The following SVEP1 variants were observed in gnomAD, a reference collection of about 807,000 sequenced individuals.
SVEP1 encodes the protein sushi, von Willebrand factor type A, EGF and pentraxin domain-containing protein 1.
SVEP1 carries 164 observed loss-of-function variants against 367.3 expected under a neutral mutation model. The ratio of observed to expected loss-of-function variants is 0.45; its 90% CI spans 0.39 to 0.51. The LOEUF is 0.51. Among genes scored for constraint, SVEP1 ranks in the 20% least tolerant of loss-of-function variants. The probability of loss-of-function intolerance (pLI) is 0.00; values close to 1 mark genes in which losing one functional copy is unlikely to be tolerated. For missense variants in SVEP1, 4,117 were observed against 4,425.3 expected, an observed-to-expected ratio of 0.93 and a Z score of 1.98; for synonymous variants, 1,666 against 1,611.6, an observed-to-expected ratio of 1.03 and a Z score of -0.81.
At chr9:110,372,520 T>C (rs1827293513) in intron 46 of SVEP1, among the ~76,000 whole-genome samples, 1 of 152,224 alleles carries the variant, frequency 6.6e-6, no homozygotes, top group African/African-American at 2.4e-5. Flanking sequence ...TTAAAAGAAA[T>C]GCAAATAAAT....
chr9:110,389,430 A>T, intron 41 of SVEP1, 94 bp downstream of exon 41: 1 of 1,463,780 alleles, frequency 6.8e-7, no homozygotes, highest in Non-Finnish European at 9.3e-7. Context: ...CTTACATTTT[A>T]ATTACAAAAC....
At chr9:110,396,765 C>T (rs1489332952) in intron 40 of SVEP1, among the ~76,000 whole-genome samples, 2 of 152,074 alleles carry the variant, frequency 1.3e-5, no homozygotes, top group African/African-American at 2.4e-5. Context: ...AATTCCTCGA[C>T]ACATACATCC....
Position 110,396,514 on chromosome 9 carries a change from GA to G in SVEP1, c.9822+4339del, listed in dbSNP as rs746941346. On this transcript the variant is annotated intron_variant, in intron 40 of 47. Coordinates refer to ENST00000374469, the MANE Select transcript of SVEP1 (RefSeq NM_153366.4). ...AACTAAGATCAGAGCAGAACTGAAGGAAATAGAGACACAAAAAACTCTTCAA... is the reference window on the plus strand; with the variant it reads ...AACTAAGATCAGAGCAGAACTGAAGGAATAGAGACACAAAAAACTCTTCAA... 3.6e-3 allele frequency among the ~76,000 whole-genome samples: 544 copies of G among 152,176 alleles called. 1 individual carries two copies. The highest frequency in any genetic ancestry group is 6.5e-3 in the Non-Finnish European group (443 of 68,008).
chr9:110,387,549 A>G (rs1827544827), intron 41 of SVEP1, 91 bp from the exon 42 acceptor site: 2 of 1,338,038 alleles, frequency 1.5e-6, no homozygotes, highest in East Asian at 2.5e-5. Flanking sequence ...TTCATGGAAT[A>G]TATAAAATAT....
intron 27 of SVEP1, among the ~76,000 whole-genome samples, chr9:110,439,257 C>T (rs1385891887): frequency 1.3e-5 from 2 of 152,202 alleles, no homozygotes; most frequent in African/African-American, 4.8e-5. Context: ...CTCTCTCTCC[C>T]TGCCATGTGA....
intron 47 of SVEP1, among the ~76,000 whole-genome samples, chr9:110,369,033 C>A (rs888992554): frequency 3.3e-5 from 5 of 152,022 alleles, no homozygotes; most frequent in African/African-American, 9.7e-5. Flanking sequence ...TGGAAATACC[C>A]ATTTGTTTTT....
intron 40 of SVEP1, among the ~76,000 whole-genome samples, chr9:110,390,262 T>TGTGTATATATAC (rs1827624065): frequency 5.1e-5 from 3 of 58,722 alleles, no homozygotes; most frequent in African/African-American, 7.2e-5. Flanking sequence ...TATATAAGTA[T>TGTGTATATATAC]GTATATATAT....
intron 17 of SVEP1, among the ~76,000 whole-genome samples, chr9:110,467,050 C>T (rs989110040): frequency 7.9e-5 from 12 of 152,126 alleles, no homozygotes. Flanking sequence ...TAGCGCATTT[C>T]CAATTACGTA....
intron 27 of SVEP1, among the ~76,000 whole-genome samples, chr9:110,437,198 G>A (rs1828443120): frequency 6.6e-6 from 1 of 152,124 alleles, no homozygotes; most frequent in South Asian, 2.1e-4. Flanking sequence ...AAGAAAAAGG[G>A]ATGAGAGAGA....
chr9:110,428,738 T>C (rs1828300346), intron 35 of SVEP1, among the ~76,000 whole-genome samples: 1 of 151,420 alleles, frequency 6.6e-6, no homozygotes, highest in Non-Finnish European at 1.5e-5. Flanking sequence ...ATTTATAAAT[T>C]TGTTTTTAGA....
intron 16 of SVEP1, among the ~76,000 whole-genome samples, chr9:110,471,120 A>G (rs1289500378): frequency 6.6e-6 from 1 of 152,218 alleles, no homozygotes; most frequent in Non-Finnish European, 1.5e-5. Flanking sequence ...GCTGTTACTG[A>G]AAGCTGTGAG....
chr9:110,373,913 C>A (rs1291859871), intron 46 of SVEP1, among the ~76,000 whole-genome samples: 2 of 152,178 alleles, frequency 1.3e-5, no homozygotes, highest in African/African-American at 4.8e-5. Context: ...AATCAATCAA[C>A]TACCATTTGT....
intron 46 of SVEP1, 62 bp downstream of exon 46, chr9:110,375,306 A>T: frequency 7.1e-7 from 1 of 1,413,748 alleles, no homozygotes; most frequent in Non-Finnish European, 9.6e-7. Flanking sequence ...CACACTCTTC[A>T]ATGTCCTCTG....
chr9:110,385,961 C>T lies in SVEP1; in HGVS notation c.10174G>A (p.Gly3392Ser). ...IKCREGFLLQ[G>S]HGIITCNPDE... ...GGGTTGCAGGTAATGATGCCGTGGC[C>T]CTGCAGCAGAAAACCTTCCCTACAT... Residue 3392 changes from glycine to serine, a missense_variant, in exon 43 of 48, where the codon GGC becomes AGC. Gly to Ser is a moderately conservative substitution (Grantham distance 56). This residue lies in a region of SVEP1 where 1,765 missense variants were observed against 1,781.1 expected (regional missense o/e 0.99). Coordinates refer to ENST00000374469, the MANE Select transcript of SVEP1 (RefSeq NM_153366.4). 2 of 1,613,846 alleles carry T rather than the reference C, an allele frequency of 1.2e-6. No homozygotes were observed. Among genetic ancestry groups the T allele is most frequent in the Non-Finnish European group, 1.7e-6 (2 of 1,179,838 alleles).
intron 1 of SVEP1, among the ~76,000 whole-genome samples, chr9:110,578,223 G>A (rs1830647583): frequency 6.6e-6 from 1 of 152,180 alleles, no homozygotes; most frequent in African/African-American, 2.4e-5. Flanking sequence ...TGCAGCTAAT[G>A]TAGAACATTT....
At chr9:110,478,625 G>A (rs1829136857) in intron 13 of SVEP1, among the ~76,000 whole-genome samples, 1 of 152,114 alleles carries the variant, frequency 6.6e-6, no homozygotes, top group Admixed American at 6.6e-5. Flanking sequence ...GGCCTAATGG[G>A]CGCAATATTT....
At position 110,429,269 on chromosome 9, in the gene SVEP1, C is replaced by G; in HGVS notation, c.5681G>C (p.Ser1894Thr). 1 of 1,596,596 alleles carries G rather than the reference C, an allele frequency of 6.3e-7. No individual in the cohort carries two copies. ...ESSCLANSSW[S>T]HSPPVCEPVK... The stretch of plus-strand genomic sequence containing the variant: ...TGGTTCACACACAGGAGGGGAATGA[C>G]TCCAAGAACTGTTAGCAAGACAGGA... The change falls in exon 35 of 48, where the codon AGT (serine) becomes ACT (threonine). Residue 1894 changes from serine (S) to threonine (T), a missense_variant. Ser to Thr is a moderately conservative substitution (Grantham distance 58). Coordinates refer to ENST00000374469, the MANE Select transcript of SVEP1 (RefSeq NM_153366.4).
chr9:110,444,441 A>T (rs1828559909), intron 26 of SVEP1, among the ~76,000 whole-genome samples: 1 of 152,196 alleles, frequency 6.6e-6, no homozygotes, highest in Admixed American at 6.5e-5. Context: ...GTTCTTTACA[A>T]GCCACCAAGT....
intron 46 of SVEP1, among the ~76,000 whole-genome samples, chr9:110,371,894 A>C (rs1016232108): frequency 3.4e-4 from 52 of 152,144 alleles, no homozygotes; most frequent in African/African-American, 1.1e-3. Context: ...GCTTTCTTCC[A>C]CTTTTCATAC....
Sources: gnomAD v4.1 joint callset for allele counts (sites outside exome capture counted in the v4.1 genomes callset) on GRCh38, gnomAD v4.1.1 for gene constraint, gnomAD v4.1.1 regional missense constraint, MANE v1.5 for transcripts, NCBI Gene and HGNC (gene_info 2026-07-23, HGNC 2026-07-21) for gene names.